Variants in HCRTR2 observed in about 807,000 individuals in gnomAD.
HCRTR2 encodes the protein orexin receptor type 2.
HCRTR2 carries 22 observed loss-of-function variants against 49.0 expected under a neutral mutation model. That is an observed-to-expected ratio of 0.45 (90% CI 0.32 to 0.64). The LOEUF is 0.64. Ranked by LOEUF, HCRTR2 falls within the 30% of genes least tolerant of loss-of-function variation. The pLI, the probability that HCRTR2 is intolerant of heterozygous loss-of-function variation, is 0.04. For synonymous variants in HCRTR2, 236 were observed against 205.3 expected (o/e 1.15, Z -1.28); for missense variants, 491 against 559.4 (o/e 0.88, Z 1.23).
At chr6:55,128,620 G>T (rs1166162866) in intron 1 of HCRTR2, among the ~76,000 whole-genome samples, 1 of 152,088 alleles carries the variant, frequency 6.6e-6, no homozygotes. Context: ...TATAGTTCTT[G>T]TAGAGATCTT....
intron 1 of HCRTR2, among the ~76,000 whole-genome samples, chr6:55,192,790 G>A (rs1372799297): frequency 6.6e-6 from 1 of 152,156 alleles, no homozygotes; most frequent in East Asian, 1.9e-4. Context: ...GTAACAACTG[G>A]ATATATCCTG....
At chr6:55,126,204 T>G (rs954636186) in intron 1 of HCRTR2, among the ~76,000 whole-genome samples, 3 of 152,120 alleles carry the variant, frequency 2.0e-5, no homozygotes, top group Non-Finnish European at 4.4e-5. Context: ...GTGCTCTGGT[T>G]TTTGGAATTT....
chr6:55,204,446 A>G (rs1765565402), intron 1 of HCRTR2, among the ~76,000 whole-genome samples: 1 of 152,256 alleles, frequency 6.6e-6, no homozygotes, highest in Middle Eastern at 3.4e-3. Flanking sequence ...CTTTACTTGA[A>G]TATTTTTCTT....
chr6:55,132,699 A>G (rs756905775), intron 1 of HCRTR2, among the ~76,000 whole-genome samples: 4 of 151,206 alleles, frequency 2.6e-5, no homozygotes, highest in Non-Finnish European at 5.9e-5. Flanking sequence ...GGAATGGGAC[A>G]GTGGAGCCCT....
At chr6:55,170,262 ATATAT>A (rs1222959341), upstream of HCRTR2, among the ~76,000 whole-genome samples, 7 of 148,700 alleles carry the variant, frequency 4.7e-5, no homozygotes, top group African/African-American at 1.7e-4. Flanking sequence ...GTATATATAA[ATATAT>A]TGTATTTATT....
chr6:55,271,499 A>T (rs1766971692), intron 4 of HCRTR2, among the ~76,000 whole-genome samples: 1 of 152,138 alleles, frequency 6.6e-6, no homozygotes, highest in Non-Finnish European at 1.5e-5. Context: ...TATGACACCA[A>T]AACCAAAAGC....
chr6:55,241,730 A>G (rs149640533), intron 1 of HCRTR2, among the ~76,000 whole-genome samples: 1 of 152,052 alleles, frequency 6.6e-6, no homozygotes, highest in African/African-American at 2.4e-5. Context: ...TTTAAAAAAT[A>G]CCATATTTAT....
At chr6:55,154,276 G>A (rs1764701160) in intron 1 of HCRTR2, among the ~76,000 whole-genome samples, 1 of 151,826 alleles carries the variant, frequency 6.6e-6, no homozygotes, top group Admixed American at 6.6e-5. Context: ...ATTTTATGAG[G>A]CCAGCATTAT....
intron 1 of HCRTR2, among the ~76,000 whole-genome samples, chr6:55,203,759 G>C (rs189900212): frequency 6.6e-6 from 1 of 152,116 alleles, no homozygotes; most frequent in Admixed American, 6.5e-5. Context: ...TGATGTAGAT[G>C]CATACCTTAG....
chr6:55,220,796 T>C (rs1457001068), intron 1 of HCRTR2, among the ~76,000 whole-genome samples: 2 of 152,172 alleles, frequency 1.3e-5, no homozygotes, highest in Non-Finnish European at 1.5e-5. Context: ...AATAATCTTA[T>C]ATGTAGAAAA....
chr6:55,215,350 G>T (rs1765768852), intron 1 of HCRTR2, among the ~76,000 whole-genome samples: 1 of 152,058 alleles, frequency 6.6e-6, no homozygotes, highest in Non-Finnish European at 1.5e-5. Flanking sequence ...TCAAAATGAA[G>T]GAGAATAAAG....
chr6:55,244,308 A>G (rs938658551), intron 1 of HCRTR2, among the ~76,000 whole-genome samples: 1 of 149,578 alleles, frequency 6.7e-6, no homozygotes, highest in Non-Finnish European at 1.5e-5. Context: ...GATTTTATCC[A>G]TTTTATGACA....
chr6:55,117,991 T>C (rs192275386), intron 1 of HCRTR2, among the ~76,000 whole-genome samples: 1 of 151,874 alleles, frequency 6.6e-6, no homozygotes, highest in African/African-American at 2.4e-5. Context: ...ACAGATTATT[T>C]CATTACCCAT....
intron 1 of HCRTR2, among the ~76,000 whole-genome samples, chr6:55,115,859 AT>A (rs1764109283): frequency 7.7e-6 from 1 of 129,716 alleles, no homozygotes; most frequent in South Asian, 2.5e-4. Flanking sequence ...ATATATATAT[AT>A]TTGTATTTTT....
In HCRTR2 at chr6:55,282,269, C is replaced by T. The variant is rs2127335559; in HGVS notation, c.1150C>T (p.Leu384Phe). ...TAAAGCTGCGTTTTCTTGCTGTTGC[C>T]TTGGAGTTCACCATCGCCAGGAGGA... ...EFKAAFSCCC[L>F]GVHHRQEDRL... Residue 384 changes from leucine (L) to phenylalanine (F), a missense_variant, in exon 7 of 7, where the codon CTT becomes TTT. Physicochemically the swap from Leu to Phe is conservative, Grantham distance 22. Coordinates refer to ENST00000370862, the MANE Select transcript of HCRTR2 (RefSeq NM_001384272.1). 6.2e-7 allele frequency: 1 copy of T among 1,613,854 alleles called. No individual in the cohort carries two copies. Among genetic ancestry groups the T allele is most frequent in the Non-Finnish European group, 8.5e-7 (1 of 1,179,924 alleles).
chr6:55,255,347 C>G lies in HCRTR2; in HGVS notation c.614C>G (p.Thr205Ser). 1 of 1,614,030 alleles carries G rather than the reference C, an allele frequency of 6.2e-7. No homozygotes were observed. The highest frequency in any genetic ancestry group is 8.5e-7 in the Non-Finnish European group (1 of 1,179,956). ...TVFPGLANKT[T>S]LFTVCDERWG... is the part of the protein sequence containing the mutation. Reference sequence around the variant, plus strand: ...TTCCCAGGCTTAGCCAATAAAACCACCCTCTTTACGGTGTGTGATGAGCGC... The same window carrying G: ...TTCCCAGGCTTAGCCAATAAAACCAGCCTCTTTACGGTGTGTGATGAGCGC... The change falls in exon 3 of 7, where the codon ACC (threonine) becomes AGC (serine). Residue 205 changes from threonine (T) to serine (S), a missense_variant. Coordinates refer to ENST00000370862, the MANE Select transcript of HCRTR2 (RefSeq NM_001384272.1).
chr6:55,263,099 G>A (rs1005384561), intron 3 of HCRTR2, among the ~76,000 whole-genome samples: 2 of 151,926 alleles, frequency 1.3e-5, no homozygotes, highest in Non-Finnish European at 2.9e-5. Flanking sequence ...GACATACTAT[G>A]CTTAAAGAGG....
intron 1 of HCRTR2, among the ~76,000 whole-genome samples, chr6:55,156,937 T>C (rs1764739488): frequency 1.3e-5 from 2 of 152,186 alleles, no homozygotes; most frequent in African/African-American, 2.4e-5. Flanking sequence ...TCATATTTAA[T>C]GGTGGAAGAC....
At chr6:55,228,581 T>TA (rs1766055436) in intron 1 of HCRTR2, among the ~76,000 whole-genome samples, 1 of 152,070 alleles carries the variant, frequency 6.6e-6, no homozygotes, top group Non-Finnish European at 1.5e-5. Context: ...TCTAAATAAA[T>TA]AAAAAATATC....
Sources: gnomAD v4.1 joint callset for allele counts (sites outside exome capture counted in the v4.1 genomes callset) on GRCh38, gnomAD v4.1.1 for gene constraint, MANE v1.5 for transcripts, NCBI Gene and HGNC (gene_info 2026-07-23, HGNC 2026-07-21) for gene names.